Variants in CNTNAP2 observed in about 807,000 individuals in gnomAD.
CNTNAP2 encodes the protein contactin associated protein 2.
In CNTNAP2, 98 loss-of-function variants were observed where a neutral mutation model predicts 155.2. The ratio of observed to expected loss-of-function variants is 0.63; its 90% CI spans 0.54 to 0.75. The LOEUF (loss-of-function observed/expected upper bound fraction) is 0.75, where lower values mean the gene tolerates loss of function less well. Ranked by LOEUF, CNTNAP2 falls within the 30% of genes least tolerant of loss-of-function variation. CNTNAP2 has a pLI of 0.00. For missense variants in CNTNAP2, 1,727 were observed against 1,688.1 expected, an observed-to-expected ratio of 1.02 and a Z score of -0.40; for synonymous variants, 651 against 631.2, an observed-to-expected ratio of 1.03 and a Z score of -0.47.
chr7:146,934,172 C>A (rs1463866922), intron 3 of CNTNAP2, among the ~76,000 whole-genome samples: 1 of 151,754 alleles, frequency 6.6e-6, no homozygotes, highest in Non-Finnish European at 1.5e-5. Flanking sequence ...TTCACAATAG[C>A]AAAGACTTGG....
chr7:147,398,328 A>T (rs1457360867), intron 10 of CNTNAP2, among the ~76,000 whole-genome samples: 1 of 151,866 alleles, frequency 6.6e-6, no homozygotes, highest in Admixed American at 6.6e-5. Flanking sequence ...AATTCTCCCA[A>T]AGGAAGCCTA....
chr7:146,136,764 C>A (rs1198022921), intron 1 of CNTNAP2, among the ~76,000 whole-genome samples: 2 of 152,090 alleles, frequency 1.3e-5, no homozygotes, highest in Admixed American at 6.6e-5. Flanking sequence ...GACTCACACT[C>A]ATTTAGGCTC....
intron 21 of CNTNAP2, among the ~76,000 whole-genome samples, chr7:148,316,806 C>T (rs1220020446): frequency 6.6e-6 from 1 of 152,228 alleles, no homozygotes; most frequent in Non-Finnish European, 1.5e-5. Flanking sequence ...AAATAGCTCT[C>T]TCTGGAGGCA....
chr7:146,587,129 G>A (rs6942999), intron 1 of CNTNAP2, among the ~76,000 whole-genome samples: 5,121 of 151,360 alleles, frequency 0.034, 285 homozygotes, highest in African/African-American at 0.12. Flanking sequence ...GCTTTCTGCT[G>A]CCACCAGACT....
chr7:147,631,397 T>C (rs1795082219), intron 12 of CNTNAP2, among the ~76,000 whole-genome samples: 1 of 152,028 alleles, frequency 6.6e-6, no homozygotes, highest in African/African-American at 2.4e-5. Flanking sequence ...ACTGTGAAAA[T>C]GACCATACTG....
chr7:147,368,358 G>A (rs1323872422), intron 9 of CNTNAP2, among the ~76,000 whole-genome samples: 1 of 152,056 alleles, frequency 6.6e-6, no homozygotes, highest in Non-Finnish European at 1.5e-5. Flanking sequence ...AAGAATGTCA[G>A]TTGAGTTGTG....
At chr7:147,938,775 AAACAC>A (rs1800663123) in intron 14 of CNTNAP2, among the ~76,000 whole-genome samples, 1 of 152,132 alleles carries the variant, frequency 6.6e-6, no homozygotes, top group Non-Finnish European at 1.5e-5. Context: ...CACTTTCACC[AAACAC>A]TAATGACCTG....
chr7:146,615,971 G>A (rs975085634), intron 1 of CNTNAP2, among the ~76,000 whole-genome samples: 1 of 152,180 alleles, frequency 6.6e-6, no homozygotes, highest in East Asian at 1.9e-4. Context: ...GTTCTTCTGG[G>A]AGAATTTAAT....
chr7:146,582,805 AT>A (rs529292264), intron 1 of CNTNAP2, among the ~76,000 whole-genome samples: 1 of 151,222 alleles, frequency 6.6e-6, no homozygotes, highest in Admixed American at 6.6e-5. Context: ...AGGAAAAGAA[AT>A]TTTTTTTGCT....
At chr7:147,073,740 T>G (rs1172778145) in intron 4 of CNTNAP2, among the ~76,000 whole-genome samples, 1 of 152,138 alleles carries the variant, frequency 6.6e-6, no homozygotes, top group Non-Finnish European at 1.5e-5. Flanking sequence ...GGATGAGCAC[T>G]GCTAAGAGAT....
intron 21 of CNTNAP2, among the ~76,000 whole-genome samples, chr7:148,273,509 G>A (rs932796942): frequency 2.6e-5 from 4 of 152,082 alleles, no homozygotes; most frequent in Admixed American, 2.0e-4. Context: ...TTAATTAATC[G>A]TTTTTCAAAT....
intron 8 of CNTNAP2, among the ~76,000 whole-genome samples, chr7:147,298,028 C>G (rs1794870915): frequency 6.6e-6 from 1 of 152,202 alleles, no homozygotes; most frequent in Non-Finnish European, 1.5e-5. Flanking sequence ...ATTATGCATA[C>G]TATTTATACA....
intron 13 of CNTNAP2, among the ~76,000 whole-genome samples, chr7:147,856,492 C>T (rs1799042047): frequency 6.6e-6 from 1 of 152,090 alleles, no homozygotes; most frequent in African/African-American, 2.4e-5. Context: ...CCTCTATGTT[C>T]GAAGGCAGGG....
intron 1 of CNTNAP2, among the ~76,000 whole-genome samples, chr7:146,290,667 G>A (rs1001267156): frequency 1.3e-5 from 2 of 152,072 alleles, no homozygotes; most frequent in African/African-American, 4.8e-5. Context: ...CGTGTATTTG[G>A]GAATCAGAAA....
rs184680138 is a variant in CNTNAP2, at chr7:148,017,598, T to C, written c.2383+39609T>C. ...CTAGTTTTAGAATATAAACTAGAAC[T>C]AGAATCTAAGTAGTAGCCAATTGGT... is the stretch of plus-strand genomic sequence containing the variant. On this transcript the variant is annotated intron_variant, in intron 15 of 23. Transcript: ENST00000361727. Among the ~76,000 whole-genome samples, 1,008 of 152,314 alleles carry C rather than the reference T, an allele frequency of 6.6e-3. 6 individuals carry two copies. Among genetic ancestry groups the C allele is most frequent in the Middle Eastern group, 0.014 (4 of 294 alleles).
chr7:146,606,619 C>T (rs537746124), intron 1 of CNTNAP2, among the ~76,000 whole-genome samples: 3 of 152,276 alleles, frequency 2.0e-5, no homozygotes, highest in African/African-American at 4.8e-5. Context: ...GATGCTATTA[C>T]TTTGACCTCC....
At chr7:146,860,338 T>C (rs1420120028) in intron 3 of CNTNAP2, among the ~76,000 whole-genome samples, 6 of 152,246 alleles carry the variant, frequency 3.9e-5, no homozygotes, top group Non-Finnish European at 8.8e-5. Flanking sequence ...TTATCTTTTA[T>C]AGGCCAGGCA....
chr7:148,059,364 C>T (rs1803086627), intron 15 of CNTNAP2, among the ~76,000 whole-genome samples: 1 of 151,896 alleles, frequency 6.6e-6, no homozygotes, highest in African/African-American at 2.4e-5. Flanking sequence ...GCTGAGCAGA[C>T]TAGGATCACC....
intron 15 of CNTNAP2, among the ~76,000 whole-genome samples, chr7:147,985,014 CTG>C (rs1382369736): frequency 2.6e-5 from 4 of 152,094 alleles, no homozygotes; most frequent in Non-Finnish European, 5.9e-5. Flanking sequence ...GCTCAGGAGA[CTG>C]AGGCATGAGA....
Sources: gnomAD v4.1 joint callset for allele counts (sites outside exome capture counted in the v4.1 genomes callset) on GRCh38, gnomAD v4.1.1 for gene constraint, MANE v1.5 for transcripts, NCBI Gene and HGNC (gene_info 2026-07-23, HGNC 2026-07-21) for gene names.